Variants in RHCE observed in about 807,000 individuals in gnomAD.
RHCE encodes the protein blood group Rh(CE) polypeptide.
In RHCE, 22 loss-of-function variants were observed where a neutral mutation model predicts 43.8. That is an observed-to-expected ratio of 0.50 (90% confidence interval 0.36 to 0.72). The LOEUF is 0.72. Among genes scored for constraint, RHCE ranks in the 30% least tolerant of loss-of-function variants. The probability of loss-of-function intolerance (pLI) is 0.00; values close to 1 mark genes in which losing one functional copy is unlikely to be tolerated. For missense variants in RHCE, 385 were observed against 525.4 expected (o/e 0.73, Z 2.61); for synonymous variants, 156 against 210.7 (o/e 0.74, Z 2.25).
rs542581850 is a variant in RHCE at position 25,391,704 on chromosome 1, C to T, written c.634+290G>A. The stretch of plus-strand genomic sequence containing the variant: ...CTGGGCCCTACCTTCTTCACTTGTC[C>T]GTTTCCCTCCTTTCAGTTGAAAACA... On this transcript the variant is annotated intron_variant, in intron 4 of 9. Coordinates refer to ENST00000294413, the MANE Select transcript of RHCE (RefSeq NM_020485.8). 1.2e-4 allele frequency among the ~76,000 whole-genome samples: 18 copies of T among 152,234 alleles called. No individual in the cohort carries two copies. The Middle Eastern group carries it at 0.01, about 86-fold the overall frequency.
chr1:25,369,921 T>A (rs555521946), intron 9 of RHCE, among the ~76,000 whole-genome samples: 1 of 151,252 alleles, frequency 6.6e-6, no homozygotes, highest in Admixed American at 6.6e-5. Context: ...GTATTTTTAG[T>A]AGAGATGGGG....
chr1:25,426,017 G>A (rs556964903), intron 2 of RHCE, among the ~76,000 whole-genome samples: 4 of 152,352 alleles, frequency 2.6e-5, no homozygotes, highest in African/African-American at 9.6e-5. Context: ...AACAGTCAGT[G>A]TCTCTGTGCC....
chr1:25,409,495 G>A (rs1220400392), intron 1 of RHCE, among the ~76,000 whole-genome samples: 1 of 124,806 alleles, frequency 8.0e-6, no homozygotes, highest in Non-Finnish European at 1.8e-5. Context: ...CTCAGACCCT[G>A]AGCAGAGGCT....
At chr1:25,417,300 C>G (rs533100033) in intron 1 of RHCE, among the ~76,000 whole-genome samples, 7 of 151,912 alleles carry the variant, frequency 4.6e-5, no homozygotes, top group Admixed American at 3.9e-4. Context: ...TATAGTTTAC[C>G]AGGACTGAAT....
chr1:25,394,083 G>T (rs1035460239), intron 3 of RHCE, among the ~76,000 whole-genome samples: 1 of 152,090 alleles, frequency 6.6e-6, no homozygotes, highest in African/African-American at 2.4e-5. Context: ...TCACCCACTG[G>T]GTTCAAGCGA....
chr1:25,405,664 A>C (rs1646895484), intron 2 of RHCE, among the ~76,000 whole-genome samples: 1 of 122,226 alleles, frequency 8.2e-6, no homozygotes, highest in African/African-American at 2.5e-5. Flanking sequence ...TAAAAAAATA[A>C]TAAATAAAAA....
At chr1:25,377,875 A>G (rs1174378734) in intron 7 of RHCE, among the ~76,000 whole-genome samples, 5 of 152,244 alleles carry the variant, frequency 3.3e-5, no homozygotes, top group Non-Finnish European at 5.9e-5. Context: ...ACTGCATTCC[A>G]GCCTGGGTGA....
intron 7 of RHCE, among the ~76,000 whole-genome samples, chr1:25,379,487 ATATATATATTTTTTTTTTTTTT>A (rs1162084224): frequency 3.3e-4 from 7 of 20,968 alleles, no homozygotes; most frequent in East Asian, 5.2e-3. Flanking sequence ...ATATATATAT[ATATATATATTTTTTTTTTTTTT>A]TTTTTTTTTT....
chr1:25,428,335 A>G (rs2042820341), intron 2 of RHCE, among the ~76,000 whole-genome samples: 1 of 152,322 alleles, frequency 6.6e-6, no homozygotes, highest in Middle Eastern at 3.4e-3. Context: ...TGCGCTCCCC[A>G]ACGCCTTTAA....
chr1:25,380,812 G>A (rs1056037877), intron 7 of RHCE, among the ~76,000 whole-genome samples: 1 of 151,540 alleles, frequency 6.6e-6, no homozygotes, highest in African/African-American at 2.4e-5. Context: ...CAGTCTTGAA[G>A]ATCTCTGAAA....
chr1:25,424,285 C>T (rs1557650837), upstream of RHCE, among the ~76,000 whole-genome samples: 1 of 152,124 alleles, frequency 6.6e-6, no homozygotes, highest in African/African-American at 2.4e-5. Context: ...ATAACCTCAT[C>T]GAAAGTCAAG....
intron 7 of RHCE, among the ~76,000 whole-genome samples, chr1:25,382,826 T>C (rs1178129024): frequency 6.6e-6 from 1 of 152,192 alleles, no homozygotes; most frequent in Admixed American, 6.5e-5. Flanking sequence ...GAGGACAACA[T>C]TCATGAATTT....
chr1:25,430,046 C>T lies in RHCE; in HGVS notation c.-243G>A, dbSNP rs2042839164. ...GGAGCCCGGACCCGCCGAGCAGGCT[C>T]CCGGTCCGGCCCGGCCCGGCCCGGA... On this transcript the variant is annotated 5_prime_UTR_variant, in exon 1 of 12. Coordinates refer to the RHCE transcript ENST00000349320. 2.6e-5 allele frequency: 4 copies of T among 151,942 alleles called. No homozygotes were observed. In the South Asian group the frequency reaches 8.3e-4, roughly 32 times the overall value. 9.4% of individuals were successfully genotyped at this position (151,942 alleles called of 1,614,324 possible).
intron 3 of RHCE, among the ~76,000 whole-genome samples, chr1:25,399,818 C>A (rs1443561203): frequency 6.6e-6 from 1 of 152,026 alleles, no homozygotes; most frequent in Non-Finnish European, 1.5e-5. Flanking sequence ...TCCCCATAGA[C>A]GTATCAAAAT....
At chr1:25,420,133 G>A (rs1276477048) in intron 1 of RHCE, among the ~76,000 whole-genome samples, 26 of 151,908 alleles carry the variant, frequency 1.7e-4, no homozygotes, top group Non-Finnish European at 4.4e-5. Flanking sequence ...AGTGAACCAT[G>A]ATCATGCCAC....
At chr1:25,386,657 C>A (rs573827422) in intron 6 of RHCE, among the ~76,000 whole-genome samples, 4 of 152,166 alleles carry the variant, frequency 2.6e-5, no homozygotes, top group Non-Finnish European at 5.9e-5. Flanking sequence ...CCCGTCTCTA[C>A]TAAAAACACA....
intron 7 of RHCE, among the ~76,000 whole-genome samples, chr1:25,377,002 T>C (rs1645808433): frequency 6.6e-6 from 1 of 152,140 alleles, no homozygotes; most frequent in African/African-American, 2.4e-5. Context: ...TGTCAACAAC[T>C]ACCTGCCCAA....
At chr1:25,413,355 C>T (rs560826805) in intron 1 of RHCE, among the ~76,000 whole-genome samples, 96 of 152,280 alleles carry the variant, frequency 6.3e-4, no homozygotes, top group African/African-American at 2.2e-3. Flanking sequence ...TCTGGGCTCC[C>T]GCTTCAGGGC....
intron 1 of RHCE, chr1:25,411,497 G>A (rs1453519817): frequency 4.6e-6 from 7 of 1,532,298 alleles, no homozygotes; most frequent in Non-Finnish European, 6.2e-6. Flanking sequence ...GAGGACAAGG[G>A]AGGACACTGA....
Sources: gnomAD v4.1 joint callset for allele counts (sites outside exome capture counted in the v4.1 genomes callset) on GRCh38, gnomAD v4.1.1 for gene constraint, MANE v1.5 for transcripts, NCBI Gene and HGNC (gene_info 2026-07-23, HGNC 2026-07-21) for gene names.